The following BCL2 variants were observed in gnomAD, a reference collection of about 807,000 sequenced individuals.
BCL2 encodes BCL2 apoptosis regulator.
Under a neutral mutation model 14.2 loss-of-function variants are expected in BCL2, and 1 was observed. That is an observed-to-expected ratio of 0.07 (90% CI 0.02 to 0.33). BCL2 has a LOEUF of 0.33. BCL2 is among the 10% of genes least tolerant of loss of function. The pLI is 0.99. For missense variants in BCL2, 247 were observed against 305.9 expected (o/e 0.81, Z 1.44); for synonymous variants, 151 against 137.2 (o/e 1.10, Z -0.70).
intron 2 of BCL2, among the ~76,000 whole-genome samples, chr18:63,217,983 GA>G (rs1910252946): frequency 6.6e-6 from 1 of 152,002 alleles, no homozygotes; most frequent in African/African-American, 2.4e-5. Context: ...TAGAAGAATG[GA>G]AAAAAGGAAG....
intron 2 of BCL2, among the ~76,000 whole-genome samples, chr18:63,237,399 C>T (rs530699826): frequency 2.2e-4 from 33 of 152,266 alleles, no homozygotes; most frequent in African/African-American, 7.7e-4. Context: ...GGAATCTCCT[C>T]TTGAGATCTT....
intron 2 of BCL2, among the ~76,000 whole-genome samples, chr18:63,130,761 T>C (rs1239782858): frequency 6.6e-6 from 1 of 152,216 alleles, no homozygotes; most frequent in African/African-American, 2.4e-5. Context: ...TTTTTGTATA[T>C]AAATTCTTGT....
chr18:63,259,550 T>C (rs985588423), intron 2 of BCL2, among the ~76,000 whole-genome samples: 1 of 152,284 alleles, frequency 6.6e-6, no homozygotes, highest in Non-Finnish European at 1.5e-5. Context: ...AGAATCCTGA[T>C]GGCAGTCATT....
At chr18:63,255,223 C>T (rs1227300774) in intron 2 of BCL2, among the ~76,000 whole-genome samples, 1 of 152,192 alleles carries the variant, frequency 6.6e-6, no homozygotes, top group Non-Finnish European at 1.5e-5. Flanking sequence ...TTTCATAATT[C>T]ATAACTTTTC....
At chr18:63,306,445 C>A (rs1913137846) in intron 2 of BCL2, among the ~76,000 whole-genome samples, 1 of 152,214 alleles carries the variant, frequency 6.6e-6, no homozygotes, top group African/African-American at 2.4e-5. Flanking sequence ...GGGTGGGCCA[C>A]CTCTAGCATC....
intron 2 of BCL2, among the ~76,000 whole-genome samples, chr18:63,279,666 A>G (rs72629887): frequency 0.038 from 5,826 of 152,338 alleles, 186 homozygotes; most frequent in East Asian, 0.12. Context: ...GCAGCATTAT[A>G]TATCATAACA....
chr18:63,181,336 C>T (rs778097494), intron 2 of BCL2, among the ~76,000 whole-genome samples: 5 of 152,130 alleles, frequency 3.3e-5, no homozygotes, highest in Admixed American at 6.5e-5. Flanking sequence ...TTAGAAAGAG[C>T]AACTAGGAGG....
intron 2 of BCL2, among the ~76,000 whole-genome samples, chr18:63,232,297 T>C (rs1910711222): frequency 1.3e-5 from 2 of 151,560 alleles, no homozygotes; most frequent in South Asian, 4.2e-4. Context: ...GGAAAGAAGA[T>C]AAAATTGAGA....
intron 2 of BCL2, among the ~76,000 whole-genome samples, chr18:63,180,150 C>T (rs755427063): frequency 5.3e-4 from 80 of 152,356 alleles, no homozygotes; most frequent in Non-Finnish European, 9.7e-4. Flanking sequence ...CTTCTCCCTT[C>T]CAAACCCACT....
chr18:63,237,274 G>A (rs1283810431), intron 2 of BCL2, among the ~76,000 whole-genome samples: 1 of 152,158 alleles, frequency 6.6e-6, no homozygotes, highest in East Asian at 1.9e-4. Flanking sequence ...GCGTGGCCTC[G>A]ATCAATCACC....
intron 2 of BCL2, among the ~76,000 whole-genome samples, chr18:63,243,040 A>C (rs565903867): frequency 6.6e-6 from 1 of 152,338 alleles, no homozygotes; most frequent in South Asian, 2.1e-4. Flanking sequence ...AAAATCACTG[A>C]ATATGAAGTG....
At chr18:63,198,555 G>A (rs1191964410) in intron 2 of BCL2, among the ~76,000 whole-genome samples, 219 of 106,584 alleles carry the variant, frequency 2.1e-3, no homozygotes, top group African/African-American at 7.7e-3. Context: ...GACACACATA[G>A]ACACAGACAC....
chr18:63,145,185 G>A (rs1914475657), intron 2 of BCL2, among the ~76,000 whole-genome samples: 1 of 152,202 alleles, frequency 6.6e-6, no homozygotes, highest in Non-Finnish European at 1.5e-5. Flanking sequence ...TAAAATATGT[G>A]GCCCCAGAGC....
intron 2 of BCL2, among the ~76,000 whole-genome samples, chr18:63,156,140 G>A (rs540567314): frequency 1.3e-5 from 2 of 151,524 alleles, no homozygotes; most frequent in South Asian, 4.2e-4. Flanking sequence ...TGGCAGGGGA[G>A]GGGGGTGTTC....
intron 2 of BCL2, chr18:63,315,293 G>A (rs868022442): frequency 6.6e-6 from 1 of 152,230 alleles, no homozygotes; most frequent in South Asian, 2.1e-4. Flanking sequence ...CCTCTCTCTG[G>A]ATGCCACACA....
intron 2 of BCL2, among the ~76,000 whole-genome samples, chr18:63,133,956 C>T (rs1914141023): frequency 6.6e-6 from 1 of 152,282 alleles, no homozygotes; most frequent in East Asian, 1.9e-4. Context: ...CATTAAAAGT[C>T]ATACCCTATA....
chr18:63,146,100 C>A (rs956616442), intron 2 of BCL2, among the ~76,000 whole-genome samples: 1 of 152,092 alleles, frequency 6.6e-6, no homozygotes, highest in African/African-American at 2.4e-5. Flanking sequence ...CCCTCCTTGT[C>A]TTGCATTTTA....
chr18:63,240,947 A>G (rs1192706258), intron 2 of BCL2, among the ~76,000 whole-genome samples: 1 of 152,272 alleles, frequency 6.6e-6, no homozygotes, highest in African/African-American at 2.4e-5. Flanking sequence ...GTAAATAAAT[A>G]CCATGAAAAT....
Position 63,164,942 on chromosome 18 carries a change from A to G in BCL2, c.586-36183T>C, listed in dbSNP as rs775004066. On this transcript the variant is annotated intron_variant, in intron 2 of 2. Transcript: ENST00000333681. The stretch of plus-strand genomic sequence containing the variant: ...GAACCAACCCAAATGTCCAACAATG[A>G]TAGACTGGATTAAGAAAATGTGAAT... Among the ~76,000 whole-genome samples, 22 of 152,356 alleles carry G rather than the reference A, an allele frequency of 1.4e-4. 1 individual carries two copies. The highest frequency in any genetic ancestry group is 1.1e-3 in the Admixed American group (17 of 15,306).
Sources: gnomAD v4.1 joint callset for allele counts (sites outside exome capture counted in the v4.1 genomes callset) on GRCh38, gnomAD v4.1.1 for gene constraint, MANE v1.5 for transcripts, NCBI Gene and HGNC (gene_info 2026-07-23, HGNC 2026-07-21) for gene names.